STK39: variants seen among roughly 807,000 people sequenced by gnomAD.
The protein encoded by STK39 is serine/threonine kinase 39.
STK39 carries 20 observed loss-of-function variants against 77.8 expected under a neutral mutation model. The ratio of observed to expected loss-of-function variants is 0.26; its 90% CI spans 0.18 to 0.37. The LOEUF is 0.37. Among genes scored for constraint, STK39 ranks in the 10% least tolerant of loss-of-function variants. STK39 has a pLI of 1.00. For synonymous variants in STK39, 246 were observed against 234.1 expected (o/e 1.05, Z -0.47); for missense variants, 479 against 656.5 (o/e 0.73, Z 2.95).
chr2:167,981,607 C>A (rs780234916), intron 16 of STK39, among the ~76,000 whole-genome samples: 3 of 152,104 alleles, frequency 2.0e-5, no homozygotes, highest in Non-Finnish European at 2.9e-5. Flanking sequence ...AGTCTCTTGT[C>A]CCGGTGTTGT....
chr2:168,107,641 A>G (rs1687009339), intron 10 of STK39, among the ~76,000 whole-genome samples: 1 of 152,228 alleles, frequency 6.6e-6, no homozygotes, highest in Non-Finnish European at 1.5e-5. Context: ...AGACCACCCC[A>G]TAAATAGCCA....
chr2:168,095,623 CT>C (rs567675524), intron 10 of STK39, among the ~76,000 whole-genome samples: 1,721 of 116,052 alleles, frequency 0.015, 22 homozygotes, highest in Middle Eastern at 0.054. Flanking sequence ...GTATCTCTTT[CT>C]TTTTTTTTTT....
intron 10 of STK39, among the ~76,000 whole-genome samples, chr2:168,085,679 T>TG (rs1686347829): frequency 6.6e-6 from 1 of 152,174 alleles, no homozygotes; most frequent in Non-Finnish European, 1.5e-5. Flanking sequence ...GGCCAGAGCG[T>TG]AGATAGATAG....
intron 11 of STK39, 34 bp from the exon 12 acceptor site, chr2:168,075,045 AC>A (rs1686042249): frequency 2.5e-6 from 4 of 1,610,034 alleles, no homozygotes; most frequent in African/African-American, 1.4e-5. Flanking sequence ...TAATATATAT[AC>A]ACACACACAA....
Position 168,039,106 on chromosome 2 carries a change from A to G in STK39, c.1377-22011T>C, listed in dbSNP as rs537342735. 1.6e-3 allele frequency among the ~76,000 whole-genome samples: 247 copies of G among 152,324 alleles called. 1 individual carries two copies. The highest frequency in any genetic ancestry group is 6.8e-3 in the Middle Eastern group (2 of 294). ...ATGAATGTTCATAGCAGCATTATTCATAACAGTAAAAACTGAAAAAAAATC... is the reference window on the plus strand; with the variant it reads ...ATGAATGTTCATAGCAGCATTATTCGTAACAGTAAAAACTGAAAAAAAATC... On this transcript the variant is annotated intron_variant, in intron 14 of 17. Transcript: ENST00000355999.
intron 8 of STK39, among the ~76,000 whole-genome samples, chr2:168,137,651 C>G (rs1489859607): frequency 6.6e-6 from 1 of 152,204 alleles, no homozygotes; most frequent in Non-Finnish European, 1.5e-5. Flanking sequence ...TGTTCTGCAA[C>G]TAACAGGAAG....
In STK39 at chr2:168,129,836, T is replaced by C. The variant is rs1053950868; in HGVS notation, c.975-78A>G. ...ACTGCCTTGATGAAACAACTTAACC[T>C]TAAGAGTATTTCTGGAAGACCAATT... is the stretch of plus-strand genomic sequence containing the variant. On this transcript the variant is annotated intron_variant, in intron 8 of 17. Coordinates refer to ENST00000355999, the MANE Select transcript of STK39 (RefSeq NM_013233.3). The C allele has an allele frequency of 3.0e-5, 46 of 1,514,622 alleles. No individual in the cohort carries two copies. The African/African-American group carries it at 4.5e-4, about 15-fold the overall frequency. 93.8% of individuals were successfully genotyped at this position (1,514,622 alleles called of 1,614,324 possible).
chr2:168,151,036 G>T (rs1472904870), intron 5 of STK39, among the ~76,000 whole-genome samples: 1 of 151,964 alleles, frequency 6.6e-6, no homozygotes, highest in Non-Finnish European at 1.5e-5. Flanking sequence ...TATGCCATGG[G>T]CCCCAACCAT....
intron 10 of STK39, among the ~76,000 whole-genome samples, chr2:168,104,015 T>C (rs548951900): frequency 1.3e-5 from 2 of 152,262 alleles, no homozygotes; most frequent in African/African-American, 4.8e-5. Context: ...CATTAAGAAT[T>C]ATATAAAACC....
At chr2:168,155,117 C>G (rs914329242) in intron 5 of STK39, among the ~76,000 whole-genome samples, 1 of 152,176 alleles carries the variant, frequency 6.6e-6, no homozygotes, top group African/African-American at 2.4e-5. Flanking sequence ...TGAAGCTCAA[C>G]CCTGTCCCCC....
In STK39 at chr2:168,242,559, AAATATATATATATATATATATAT is replaced by A. The variant is rs1352715468; in HGVS notation, c.208+4646_208+4668del. 1.5e-4 allele frequency among the ~76,000 whole-genome samples: 8 copies of A among 54,208 alleles called. 1 individual carries two copies. Among genetic ancestry groups the A allele is most frequent in the Non-Finnish European group, 2.6e-4 (8 of 30,306 alleles). 35.6% of individuals were successfully genotyped at this position (54,208 alleles called of 152,430 possible). A position where few individuals can be genotyped will look rare whatever the true frequency, so the allele number is the denominator to read the frequency against. On this transcript the variant is annotated intron_variant, in intron 1 of 17. Coordinates refer to ENST00000355999, the MANE Select transcript of STK39 (RefSeq NM_013233.3). ...GCAAGACTCTTACAAAAAAAAAAAA[AAATATATATATATATATATATAT>A]ATATATATATATATAAAGAGGCCAG...
intron 10 of STK39, among the ~76,000 whole-genome samples, chr2:168,110,412 AT>A (rs749190865): frequency 6.6e-6 from 1 of 151,742 alleles, no homozygotes; most frequent in Non-Finnish European, 1.5e-5. Flanking sequence ...TTTTATTTTT[AT>A]TTTTTGTAGA....
At chr2:168,142,193 T>C (rs771755189) in intron 5 of STK39, among the ~76,000 whole-genome samples, 3 of 152,150 alleles carry the variant, frequency 2.0e-5, no homozygotes, top group Non-Finnish European at 4.4e-5. Context: ...AACCAGTCAG[T>C]CTCCTGTGGG....
At chr2:167,996,549 A>G (rs1683844256) in intron 16 of STK39, among the ~76,000 whole-genome samples, 1 of 152,174 alleles carries the variant, frequency 6.6e-6, no homozygotes, top group Non-Finnish European at 1.5e-5. Context: ...TCACGGGTAC[A>G]TTCTACACAG....
intron 1 of STK39, among the ~76,000 whole-genome samples, chr2:168,228,743 T>C (rs1690371356): frequency 1.3e-5 from 2 of 152,170 alleles, no homozygotes; most frequent in African/African-American, 2.4e-5. Flanking sequence ...GAGCCGAGAT[T>C]GCGCCATTGC....
chr2:168,138,001 G>A, intron 8 of STK39, 87 bp downstream of exon 8: 1 of 1,490,594 alleles, frequency 6.7e-7, no homozygotes. Flanking sequence ...CCTTTCCAGT[G>A]TCCTCACAAA....
At chr2:168,104,095 G>A (rs867797430) in intron 10 of STK39, among the ~76,000 whole-genome samples, 10 of 152,124 alleles carry the variant, frequency 6.6e-5, no homozygotes, top group East Asian at 1.9e-4. Flanking sequence ...ATAAGGTCAC[G>A]TGTAAAACTG....
At chr2:168,103,740 A>G (rs921081235) in intron 10 of STK39, among the ~76,000 whole-genome samples, 1 of 152,202 alleles carries the variant, frequency 6.6e-6, no homozygotes, top group Non-Finnish European at 1.5e-5. Context: ...ATGAATACCA[A>G]TTTGAATTTG....
At chr2:168,118,567 C>G (rs144862840) in intron 10 of STK39, among the ~76,000 whole-genome samples, 1 of 139,228 alleles carries the variant, frequency 7.2e-6, no homozygotes, top group African/African-American at 2.6e-5. Context: ...TCAAAGGCAA[C>G]CAGAAAGGAG....
Sources: gnomAD v4.1 joint callset for allele counts (sites outside exome capture counted in the v4.1 genomes callset) on GRCh38, gnomAD v4.1.1 for gene constraint, MANE v1.5 for transcripts, NCBI Gene and HGNC (gene_info 2026-07-23, HGNC 2026-07-21) for gene names.